The following VEZF1 variants were observed in gnomAD, a reference collection of about 807,000 sequenced individuals.
VEZF1 encodes the protein vascular endothelial zinc finger 1.
VEZF1 carries 5 observed loss-of-function variants against 44.1 expected under a neutral mutation model. The observed-to-expected ratio is 0.11, with a 90% CI of 0.06 to 0.24. VEZF1 has a LOEUF of 0.24. Among genes scored for constraint, VEZF1 ranks in the 10% least tolerant of loss-of-function variants. VEZF1 has a pLI of 1.00. For missense variants in VEZF1, 358 were observed against 641.8 expected, an observed-to-expected ratio of 0.56 and a Z score of 4.78; for synonymous variants, 236 against 233.1, an observed-to-expected ratio of 1.01 and a Z score of -0.11.
chr17:57,979,379 T>C (rs1490678245), intron 4 of VEZF1, 66 bp from the exon 5 acceptor site: 4 of 1,592,872 alleles, frequency 2.5e-6, no homozygotes, highest in Admixed American at 1.7e-5. Context: ...TTTTTCAAAA[T>C]TGACTTCTCA....
Position 57,974,501 on chromosome 17 carries a change from T to C in VEZF1, c.1538A>G (p.Gln513Arg). ...RPVESMPFLP[Q>R]ALPTSPPW ...CCAAGGCGGTGATGTAGGCAAAGCT[T>C]GGGGCAAGAAAGGCATGCTCTCTAC... is the stretch of plus-strand genomic sequence containing the variant. The change falls in exon 6 of 6, where the codon CAA becomes CGA. Residue 513 changes from glutamine (Q) to arginine (R), a missense_variant. Physicochemically the swap from Gln to Arg is conservative, Grantham distance 43. Around this residue, in one of 4 missense-constraint regions of VEZF1, gnomAD observed 171 missense variants for 272.4 expected, o/e 0.63. Transcript: ENST00000581208. 1 of 1,613,814 alleles carries C rather than the reference T, an allele frequency of 6.2e-7. No individual in the cohort carries two copies. The highest frequency in any genetic ancestry group is 8.5e-7 in the Non-Finnish European group (1 of 1,179,736).
chr17:57,987,561 C>G (rs978798009), intron 1 of VEZF1, among the ~76,000 whole-genome samples: 3 of 152,134 alleles, frequency 2.0e-5, no homozygotes, highest in African/African-American at 7.2e-5. Flanking sequence ...AAAGTCAACA[C>G]ACGCACGCAC....
intron 1 of VEZF1, among the ~76,000 whole-genome samples, chr17:57,986,898 C>A (rs2075299049): frequency 6.6e-6 from 1 of 152,286 alleles, no homozygotes; most frequent in South Asian, 2.1e-4. Flanking sequence ...GAAGAACGCA[C>A]TTAAAAGTGA....
rs2075261941 is a variant in VEZF1 at position 57,982,780 on chromosome 17, C to T, written c.647G>A (p.Arg216Gln). The T allele has an allele frequency of 6.2e-7, 1 of 1,614,202 alleles. No individual in the cohort carries two copies. The highest frequency in any genetic ancestry group is 8.5e-7 in the Non-Finnish European group (1 of 1,180,030). Residue 216 changes from arginine (R) to glutamine (Q), a missense_variant, in exon 2 of 6, where the codon CGG becomes CAG. Coordinates refer to ENST00000581208, the MANE Select transcript of VEZF1 (RefSeq NM_007146.3). Reference sequence around the variant, plus strand: ...ATGAGACCTCACATGGTAAGTCATCCGGTCCTTCCTCTTGAAGCGCTGATT... The same window carrying T: ...ATGAGACCTCACATGGTAAGTCATCTGGTCCTTCCTCTTGAAGCGCTGATT... ...ICNQRFKRKD[R>Q]MTYHVRSHEG...
At chr17:57,984,992 A>G (rs1047109160) in intron 1 of VEZF1, among the ~76,000 whole-genome samples, 5 of 152,168 alleles carry the variant, frequency 3.3e-5, no homozygotes, top group Admixed American at 3.3e-4. Context: ...GGGTCTATCT[A>G]CCCAGGTGAC....
Position 57,983,418 on chromosome 17 carries a change from G to A in VEZF1, c.34-25C>T. ...CCTAAAACCAAACATTTACACTTCA[G>A]AAACTCAGCCTCTCACAATGGCCTT... On this transcript the variant is annotated intron_variant, in intron 1 of 5. Coordinates refer to ENST00000581208, the MANE Select transcript of VEZF1 (RefSeq NM_007146.3). 3 of 1,567,436 alleles carry A rather than the reference G, an allele frequency of 1.9e-6. No individual in the cohort carries two copies. In the South Asian group the frequency reaches 3.5e-5, roughly 19 times the overall value.
Position 57,983,069 on chromosome 17 carries a change from C to T in VEZF1, c.358G>A (p.Ala120Thr), listed in dbSNP as rs139637004. The T allele has an allele frequency of 5.6e-6, 9 of 1,614,140 alleles. No individual in the cohort carries two copies. Among genetic ancestry groups the T allele is most frequent in the East Asian group, 4.5e-5 (2 of 44,880 alleles). The part of the protein sequence containing the change: ...TTVVPLISTI[A>T]GDSSRTSLVS... ...AACGAAGTTCGGCTGCTGTCCCCAG[C>T]GATGGTAGAGATAAGGGGAACCACC... Residue 120 changes from alanine to threonine, a missense_variant, in exon 2 of 6, where the codon GCT (alanine) becomes ACT (threonine). Ala to Thr is a moderately conservative substitution (Grantham distance 58). Coordinates refer to ENST00000581208, the MANE Select transcript of VEZF1 (RefSeq NM_007146.3).
chr17:57,974,697 T>C lies in VEZF1; in HGVS notation c.1342A>G (p.Ile448Val), dbSNP rs1598042361. ...SPMNIGHPVT[I>V]TSPLSMTSPL... Reference sequence around the variant, plus strand: ...GAGGTCATGGATAATGGACTGGTTATAGTTACAGGATGCCCTATGTTCATT... The same window carrying C: ...GAGGTCATGGATAATGGACTGGTTACAGTTACAGGATGCCCTATGTTCATT... The change falls in exon 6 of 6, where the codon ATA (isoleucine) becomes GTA (valine). Residue 448 changes from isoleucine (I) to valine (V), a missense_variant. This residue lies in a region of VEZF1 where 171 missense variants were observed against 272.4 expected (regional missense o/e 0.63). Coordinates refer to ENST00000581208, the MANE Select transcript of VEZF1 (RefSeq NM_007146.3). The C allele has an allele frequency of 6.2e-7, 1 of 1,614,112 alleles. No individual in the cohort carries two copies. Among genetic ancestry groups the C allele is most frequent in the Admixed American group, 1.7e-5 (1 of 60,020 alleles).
intron 5 of VEZF1, among the ~76,000 whole-genome samples, chr17:57,975,908 C>T (rs1014642380): frequency 5.3e-5 from 8 of 152,182 alleles, no homozygotes; most frequent in Non-Finnish European, 1.2e-4. Flanking sequence ...AAGCAATCCT[C>T]CCACTTTAGT....
Position 57,982,966 on chromosome 17 carries a change from G to A in VEZF1, c.461C>T (p.Thr154Ile), listed in dbSNP as rs765442798. The change falls in exon 2 of 6, where the codon ACC (threonine) becomes ATC (isoleucine). Residue 154 changes from threonine (T) to isoleucine (I), a missense_variant. Coordinates refer to ENST00000581208, the MANE Select transcript of VEZF1 (RefSeq NM_007146.3). Reference protein sequence around the residue: ...SGTNPSSSASTTAMPVTQSVK... With the variant: ...SGTNPSSSASITAMPVTQSVK... ...AGACTGGGTCACTGGCATAGCTGTG[G>A]TGCTGGCACTGCTACTGGGGTTGGT... The A allele has an allele frequency of 6.2e-7, 1 of 1,614,078 alleles. No homozygotes were observed. The highest frequency in any genetic ancestry group is 1.3e-5 in the African/African-American group (1 of 74,914).
chr17:57,974,053 T>C lies in VEZF1; in HGVS notation c.*420A>G, dbSNP rs2075164071. On this transcript the variant is annotated 3_prime_UTR_variant, in exon 6 of 6. Transcript: ENST00000581208. ...TCTACACTAGCTCTCAATCTGTGGA[T>C]TTAAAATTTCAGGTTAAAATCAGCC... The C allele has an allele frequency of 5.7e-6, 1 of 175,482 alleles. No individual in the cohort carries two copies. The highest frequency in any genetic ancestry group is 5.4e-5 in the Admixed American group (1 of 18,514). 10.9% of individuals were successfully genotyped at this position (175,482 alleles called of 1,614,324 possible). A position where few individuals can be genotyped will look rare whatever the true frequency, so the allele number is the denominator to read the frequency against.
intron 5 of VEZF1, among the ~76,000 whole-genome samples, chr17:57,977,963 G>A (rs916486984): frequency 2.0e-5 from 3 of 152,080 alleles, no homozygotes; most frequent in African/African-American, 7.2e-5. Flanking sequence ...AGAACTTTAG[G>A]AGTCTGAGGC....
At chr17:57,975,515 A>G (rs2075181270) in intron 5 of VEZF1, among the ~76,000 whole-genome samples, 1 of 152,252 alleles carries the variant, frequency 6.6e-6, no homozygotes, top group African/African-American at 2.4e-5. Flanking sequence ...TTTTAGTATC[A>G]TGTTTGTTTC....
chr17:57,975,423 T>C (rs373088497), intron 5 of VEZF1, among the ~76,000 whole-genome samples: 1 of 152,262 alleles, frequency 6.6e-6, no homozygotes, highest in South Asian at 2.1e-4. Context: ...GCATACTCAA[T>C]AAGTATGTTA....
At chr17:57,982,243 C>G (rs2075255959) in intron 2 of VEZF1, among the ~76,000 whole-genome samples, 1 of 152,218 alleles carries the variant, frequency 6.6e-6, no homozygotes, top group Non-Finnish European at 1.5e-5. Context: ...ACTATATTAA[C>G]TCTAAAAGCT....
chr17:57,985,464 C>T, intron 1 of VEZF1: 1 of 1,219,118 alleles, frequency 8.2e-7, no homozygotes, highest in Non-Finnish European at 1.0e-6. Context: ...CCAACTTCTT[C>T]TCTGGGGGAG....
In VEZF1 at chr17:57,976,354, TC is replaced by T. The variant is rs541226558; in HGVS notation, c.1139-1455del. Reference sequence around the variant, plus strand: ...ACACACCATTCTCCCTATCAGGGATTCCCAAATCTGGCTGATTATCAAAATC... The same window carrying T: ...ACACACCATTCTCCCTATCAGGGATTCCAAATCTGGCTGATTATCAAAATC... On this transcript the variant is annotated intron_variant, in intron 5 of 5. Transcript: ENST00000581208. Among the ~76,000 whole-genome samples, 4 of 152,128 alleles carry T rather than the reference TC, an allele frequency of 2.6e-5. No homozygotes were observed. In the South Asian group the frequency reaches 8.3e-4, roughly 32 times the overall value.
At chr17:57,980,582 A>G in intron 4 of VEZF1, 21 bp downstream of exon 4, 1 of 1,607,558 alleles carries the variant, frequency 6.2e-7, no homozygotes, top group Non-Finnish European at 8.5e-7. Context: ...TAAAAGAAAG[A>G]AAATCTGAAG....
chr17:57,981,007 C>CA (rs1295626754), intron 3 of VEZF1, among the ~76,000 whole-genome samples: 3 of 152,234 alleles, frequency 2.0e-5, no homozygotes, highest in South Asian at 2.1e-4. Context: ...CAGAGTAGCA[C>CA]AAAAAATGTA....
Sources: allele counts gnomAD v4.1 joint callset (sites outside exome capture counted in the v4.1 genomes callset), GRCh38; gene constraint gnomAD v4.1.1; regional missense constraint gnomAD v4.1.1; transcripts MANE v1.5; gene names NCBI Gene and HGNC (gene_info 2026-07-23, HGNC 2026-07-21).